SUGCT: variants seen among roughly 807,000 people sequenced by gnomAD.
The protein encoded by SUGCT is succinyl-CoA:glutarate CoA-transferase.
SUGCT carries 41 observed loss-of-function variants against 55.0 expected under a neutral mutation model. The ratio of observed to expected loss-of-function variants is 0.74; its 90% CI spans 0.58 to 0.97. SUGCT has a LOEUF of 0.97. SUGCT is among the 50% of genes least tolerant of loss of function. The pLI is 0.00. For synonymous variants in SUGCT, 187 were observed against 200.4 expected (o/e 0.93, Z 0.56); for missense variants, 568 against 547.8 (o/e 1.04, Z -0.37).
At chr7:41,018,733 G>A in the SUGCT span, among the ~76,000 whole-genome samples, 46 of 152,230 alleles carry the variant, frequency 3.0e-4, no homozygotes, top group African/African-American at 1.1e-3. Flanking sequence ...AAATGCAGAT[G>A]CTGACTAATT....
intron 12 of SUGCT, among the ~76,000 whole-genome samples, chr7:40,687,453 A>G (rs1265667248): frequency 6.6e-6 from 1 of 152,050 alleles, no homozygotes; most frequent in Admixed American, 6.6e-5. Context: ...CAGATTAATT[A>G]TTTTTTAGCT....
chr7:40,857,914 T>C (rs1379431070), intron 13 of SUGCT, among the ~76,000 whole-genome samples: 1 of 152,192 alleles, frequency 6.6e-6, no homozygotes, highest in Non-Finnish European at 1.5e-5. Context: ...AATAAATTAT[T>C]ATTATTTTTT....
intron 12 of SUGCT, among the ~76,000 whole-genome samples, chr7:40,497,123 G>T (rs1008483178): frequency 2.0e-4 from 31 of 152,114 alleles, no homozygotes; most frequent in African/African-American, 7.2e-4. Context: ...ATCCCCAAAA[G>T]TACAGGGAGT....
intron 12 of SUGCT, among the ~76,000 whole-genome samples, chr7:40,585,740 T>A (rs960416462): frequency 6.6e-6 from 1 of 152,130 alleles, no homozygotes; most frequent in South Asian, 2.1e-4. Context: ...AGTGTATTGG[T>A]GTGATTATAT....
intron 12 of SUGCT, among the ~76,000 whole-genome samples, chr7:40,726,029 G>C (rs1483628750): frequency 1.3e-5 from 2 of 152,072 alleles, no homozygotes; most frequent in Admixed American, 1.3e-4. Flanking sequence ...CTGGCACCAG[G>C]CTGCCCCAAG....
chr7:40,249,325 A>ATCTATC (rs1562612054), intron 7 of SUGCT, among the ~76,000 whole-genome samples: 3 of 117,426 alleles, frequency 2.6e-5, no homozygotes, highest in African/African-American at 1.1e-4. Flanking sequence ...ATATATATAT[A>ATCTATC]TATATATATA....
chr7:40,358,874 A>C (rs898486876), intron 9 of SUGCT, among the ~76,000 whole-genome samples: 30 of 152,226 alleles, frequency 2.0e-4, no homozygotes, highest in African/African-American at 6.0e-4. Context: ...TTAACTATTT[A>C]ATAGGCTAGA....
intron 13 of SUGCT, among the ~76,000 whole-genome samples, chr7:40,797,115 T>C (rs542014987): frequency 6.6e-6 from 1 of 152,288 alleles, no homozygotes; most frequent in East Asian, 1.9e-4. Flanking sequence ...GCTCAGTAAG[T>C]CTTGGGATAA....
In SUGCT at chr7:40,624,303, T is replaced by C. The variant is rs1799413755; in HGVS notation, c.1090-125131T>C. Among the ~76,000 whole-genome samples the C allele has an allele frequency of 1.3e-5, 2 of 152,196 alleles. 1 individual carries two copies. Among genetic ancestry groups the C allele is most frequent in the Admixed American group, 1.3e-4 (2 of 15,282 alleles). On this transcript the variant is annotated intron_variant, in intron 12 of 13. Transcript: ENST00000335693. The stretch of plus-strand genomic sequence containing the variant: ...AATCGCCAAACTGGAAATGGTTTGA[T>C]AACCTCATATCTATATGTTATTATT...
At chr7:40,476,009 G>A (rs80032800) in intron 11 of SUGCT, among the ~76,000 whole-genome samples, 108 of 152,242 alleles carry the variant, frequency 7.1e-4, no homozygotes, top group African/African-American at 2.4e-3. Context: ...GGGGTGGTAA[G>A]AGCATGGATT....
At chr7:40,714,978 C>G (rs1785941828) in intron 12 of SUGCT, among the ~76,000 whole-genome samples, 1 of 152,092 alleles carries the variant, frequency 6.6e-6, no homozygotes, top group South Asian at 2.1e-4. Context: ...CTATCATGTT[C>G]CTAAAACTCA....
the SUGCT span, among the ~76,000 whole-genome samples, chr7:40,960,701 T>C: frequency 6.6e-6 from 1 of 152,202 alleles, no homozygotes; most frequent in Non-Finnish European, 1.5e-5. Flanking sequence ...TTTTCCAAAG[T>C]TTCTCATGGT....
intron 12 of SUGCT, among the ~76,000 whole-genome samples, chr7:40,511,852 A>G (rs1472506640): frequency 1.3e-5 from 2 of 152,184 alleles, no homozygotes. Context: ...AACATGAAAG[A>G]ATGAGTAGTA....
the SUGCT span, among the ~76,000 whole-genome samples, chr7:40,972,964 G>C: frequency 6.6e-6 from 1 of 152,164 alleles, no homozygotes; most frequent in East Asian, 1.9e-4. Context: ...ACTAACCCAG[G>C]AATGGCCTCT....
At chr7:40,355,238 T>G (rs1009041918) in intron 9 of SUGCT, among the ~76,000 whole-genome samples, 2 of 152,226 alleles carry the variant, frequency 1.3e-5, no homozygotes, top group East Asian at 3.9e-4. Flanking sequence ...GTGGGTTAGG[T>G]GTCCACTCCC....
At chr7:40,825,623 T>A (rs1792273799) in intron 13 of SUGCT, among the ~76,000 whole-genome samples, 1 of 152,232 alleles carries the variant, frequency 6.6e-6, no homozygotes, top group Non-Finnish European at 1.5e-5. Flanking sequence ...GGGAATCTGA[T>A]GTGTGCTCAC....
intron 12 of SUGCT, among the ~76,000 whole-genome samples, chr7:40,617,826 ATTG>A (rs561918279): frequency 1.3e-5 from 2 of 152,036 alleles, no homozygotes; most frequent in Non-Finnish European, 2.9e-5. Context: ...AGCTAAAGAG[ATTG>A]TTTTTTCTTA....
chr7:40,555,681 T>G (rs1362007816), intron 12 of SUGCT, among the ~76,000 whole-genome samples: 2 of 152,168 alleles, frequency 1.3e-5, no homozygotes, highest in African/African-American at 4.8e-5. Context: ...TTCTAATACT[T>G]TTTGGGGAAC....
chr7:40,704,125 G>A (rs978082338), intron 12 of SUGCT, among the ~76,000 whole-genome samples: 2 of 152,196 alleles, frequency 1.3e-5, no homozygotes, highest in African/African-American at 4.8e-5. Context: ...TTTAGATGAT[G>A]CCCATAATAT....
Sources: gnomAD v4.1 joint callset for allele counts (sites outside exome capture counted in the v4.1 genomes callset) on GRCh38, gnomAD v4.1.1 for gene constraint, MANE v1.5 for transcripts, NCBI Gene and HGNC (gene_info 2026-07-23, HGNC 2026-07-21) for gene names.